PCDHGB4: variants seen among roughly 807,000 people sequenced by gnomAD.
The protein encoded by PCDHGB4 is protocadherin gamma-B4.
Under a neutral mutation model 60.5 loss-of-function variants are expected in PCDHGB4, and 38 were observed. The ratio of observed to expected loss-of-function variants is 0.63; its 90% CI spans 0.48 to 0.82. The LOEUF (loss-of-function observed/expected upper bound fraction) is 0.82. Ranked by LOEUF, PCDHGB4 falls within the 40% of genes least tolerant of loss-of-function variation. PCDHGB4 has a pLI of 0.00. For missense variants in PCDHGB4, 1,109 were observed against 1,209.6 expected, an observed-to-expected ratio of 0.92 and a Z score of 1.23; for synonymous variants, 456 against 509.7, an observed-to-expected ratio of 0.89 and a Z score of 1.42.
At position 141,431,433 on chromosome 5, in the gene PCDHGB4, C is replaced by T; in HGVS notation, c.2397+41152C>T. ...GGGGGCGACCCGGTGCGCACAGGCA[C>T]CGCGCGCATCCGCGTGATGGTTCTG... On this transcript the variant is annotated intron_variant, in intron 1 of 3. Transcript: ENST00000519479. This position sits in a 1 kb window ranked among gnomAD's most constrained non-coding sequence, Gnocchi z 4.8. 1.9e-6 allele frequency: 3 copies of T among 1,613,716 alleles called. No homozygotes were observed. The highest frequency in any genetic ancestry group is 2.5e-6 in the Non-Finnish European group (3 of 1,180,028).
intron 1 of PCDHGB4, among the ~76,000 whole-genome samples, chr5:141,469,212 G>A (rs114294512): frequency 0.021 from 3,174 of 151,360 alleles, 54 homozygotes; most frequent in Non-Finnish European, 0.032. Flanking sequence ...TTGAAGTTGA[G>A]GCTTCAGTGA....
chr5:141,431,351 C>A lies in PCDHGB4; in HGVS notation c.2397+41070C>A. On this transcript the variant is annotated intron_variant, in intron 1 of 3. Coordinates refer to ENST00000519479, the MANE Select transcript of PCDHGB4 (RefSeq NM_003736.4). The surrounding 1 kb of genome is among the most constrained non-coding windows in gnomAD (Gnocchi z 4.8). ...TAAGTACCCCGAATTGGTGCTGAAA[C>A]GCGCCCTGGACCGCGAAGAAAAGGC... The A allele has an allele frequency of 6.2e-7, 1 of 1,614,064 alleles. No individual in the cohort carries two copies. The highest frequency in any genetic ancestry group is 8.5e-7 in the Non-Finnish European group (1 of 1,180,042).
chr5:141,399,620 CCTCTT>C (rs1251716471), intron 1 of PCDHGB4: 1 of 1,613,940 alleles, frequency 6.2e-7, no homozygotes, highest in Non-Finnish European at 8.5e-7. Context: ...CTGGCACTGG[CCTCTT>C]ACGTGTCCAT....
chr5:141,409,628 G>T (rs367728235), intron 1 of PCDHGB4: 1 of 1,613,848 alleles, frequency 6.2e-7, no homozygotes. Flanking sequence ...GCAAGTGAGC[G>T]CCTCTGACCC....
At chr5:141,509,650 T>C (rs1484029268) in intron 3 of PCDHGB4, among the ~76,000 whole-genome samples, 1 of 152,188 alleles carries the variant, frequency 6.6e-6, no homozygotes, top group African/African-American at 2.4e-5. Context: ...GGCCAGAGTG[T>C]GGACTTCTCT....
chr5:141,466,014 C>T (rs962233749), intron 1 of PCDHGB4, among the ~76,000 whole-genome samples: 75 of 151,848 alleles, frequency 4.9e-4, no homozygotes, highest in African/African-American at 1.2e-3. Flanking sequence ...CCCAGCTACT[C>T]GGGAGGGTGA....
At chr5:141,395,545 TGTGTGTGTGTGTG>T (rs1440813594) in intron 1 of PCDHGB4, 2 of 174,840 alleles carry the variant, frequency 1.1e-5, no homozygotes, top group Admixed American at 1.3e-4. Flanking sequence ...CTATTGTTTG[TGTGTGTGTGTGTG>T]TGTGTGTGTG....
In PCDHGB4 at chr5:141,388,772, C is replaced by G. The variant is rs747075769; in HGVS notation, c.888C>G (p.Thr296=). 6.8e-6 allele frequency: 11 copies of G among 1,613,680 alleles called. No individual in the cohort carries two copies. In the Admixed American group the frequency reaches 1.8e-4, roughly 27 times the overall value. Residue 296 remains threonine, a synonymous_variant, in exon 1 of 4, where the codon ACC becomes ACG. Transcript: ENST00000519479. Reference sequence around the variant, plus strand: ...CCCAATTTGACCTGAACTCTAACACCGGGGAAATTACTGTTTTAAATACAT... The same window carrying G: ...CCCAATTTGACCTGAACTCTAACACGGGGGAAATTACTGTTTTAAATACAT... ...QITQFDLNSN[T]GEITVLNTLD... is the part of the protein sequence containing the mutation.
intron 1 of PCDHGB4, chr5:141,478,131 A>G (rs747801474): frequency 6.2e-7 from 1 of 1,614,064 alleles, no homozygotes; most frequent in Non-Finnish European, 8.5e-7. Flanking sequence ...GACTCTCCTG[A>G]AGCCCGAGCC....
rs1444171664 is a variant in PCDHGB4, at chr5:141,477,015, T to G, written c.2398-17792T>G. The G allele has an allele frequency of 1.2e-6, 2 of 1,614,210 alleles. No homozygotes were observed. Among genetic ancestry groups the G allele is most frequent in the Non-Finnish European group, 1.7e-6 (2 of 1,180,038 alleles). On this transcript the variant is annotated intron_variant, in intron 1 of 3. Coordinates refer to ENST00000519479, the MANE Select transcript of PCDHGB4 (RefSeq NM_003736.4). This position sits in a 1 kb window ranked among gnomAD's most constrained non-coding sequence, Gnocchi z 4.9. ...CGGCAACTATTCGCCTTAGACCTTG[T>G]AACCGGGATGCTGACAATCAAGGGT...
At chr5:141,396,781 G>T (rs1270995904) in intron 1 of PCDHGB4, 1 of 152,204 alleles carries the variant, frequency 6.6e-6, no homozygotes, top group East Asian at 1.9e-4. Context: ...TTAATGAAAA[G>T]GACATTTCCT....
chr5:141,463,938 T>A (rs1378018670), intron 1 of PCDHGB4, among the ~76,000 whole-genome samples: 3 of 152,168 alleles, frequency 2.0e-5, no homozygotes, highest in Non-Finnish European at 4.4e-5. Context: ...TATAAATTTA[T>A]AGAAATCTTC....
At chr5:141,464,978 GT>G in intron 1 of PCDHGB4, among the ~76,000 whole-genome samples, 1 of 152,148 alleles carries the variant, frequency 6.6e-6, no homozygotes, top group East Asian at 1.9e-4. Context: ...CTGGCTTCAA[GT>G]GATCCTCCCA....
chr5:141,481,970 A>G (rs2099549884), intron 1 of PCDHGB4, among the ~76,000 whole-genome samples: 1 of 151,510 alleles, frequency 6.6e-6, no homozygotes, highest in Non-Finnish European at 1.5e-5. Flanking sequence ...CTGTAGTCAC[A>G]GCTACTTGGG....
chr5:141,405,394 CTT>C lies in PCDHGB4; in HGVS notation c.2397+15115_2397+15116del, dbSNP rs1561700295. 3.8e-6 allele frequency: 6 copies of C among 1,593,014 alleles called. No individual in the cohort carries two copies. In the Admixed American group the frequency reaches 7.1e-5, roughly 19 times the overall value. On this transcript the variant is annotated intron_variant, in intron 1 of 3. Transcript: ENST00000519479. ...TGGTTCCGGTGAGTTCATTTTTTTT[CTT>C]TCTTTCTTTTCTTTTTTTGTTTTTT...
Position 141,486,632 on chromosome 5 carries a change from A to G in PCDHGB4, c.2398-8175A>G, listed in dbSNP as rs1304397413. The G allele has an allele frequency of 6.2e-7, 1 of 1,613,580 alleles. No individual in the cohort carries two copies. Among genetic ancestry groups the G allele is most frequent in the Non-Finnish European group, 8.5e-7 (1 of 1,180,040 alleles). ...AGCCTCTGACCCAGACTCTGGCTTG[A>G]ATGCGCTTATCTCCTACTCACTCCT... On this transcript the variant is annotated intron_variant, in intron 1 of 3. Coordinates refer to ENST00000519479, the MANE Select transcript of PCDHGB4 (RefSeq NM_003736.4). This position sits in a 1 kb window ranked among gnomAD's most constrained non-coding sequence, Gnocchi z 5.0.
chr5:141,394,864 C>G lies in PCDHGB4; in HGVS notation c.2397+4583C>G. Reference sequence around the variant, plus strand: ...GGCAGTCTGAAGCCTTCGGTCGACCCGAACGATTCGAGCCTTACACTCTAT... The same window carrying G: ...GGCAGTCTGAAGCCTTCGGTCGACCGGAACGATTCGAGCCTTACACTCTAT... On this transcript the variant is annotated intron_variant, in intron 1 of 3. Coordinates refer to ENST00000519479, the MANE Select transcript of PCDHGB4 (RefSeq NM_003736.4). The G allele has an allele frequency of 1.2e-6, 2 of 1,613,780 alleles. No individual in the cohort carries two copies. The highest frequency in any genetic ancestry group is 1.7e-6 in the Non-Finnish European group (2 of 1,179,900).
chr5:141,392,894 G>A (rs1327938971), intron 1 of PCDHGB4: 14 of 1,613,802 alleles, frequency 8.7e-6, no homozygotes, highest in Non-Finnish European at 1.2e-5. Flanking sequence ...GGGAAATCGG[G>A]AGGGGACAGA....
At chr5:141,448,143 A>C (rs2098568288) in intron 1 of PCDHGB4, among the ~76,000 whole-genome samples, 1 of 152,012 alleles carries the variant, frequency 6.6e-6, no homozygotes, top group Admixed American at 6.6e-5. Context: ...ACTATACCTC[A>C]GACTCACCCC....
Sources: gnomAD v4.1 joint callset for allele counts (sites outside exome capture counted in the v4.1 genomes callset) on GRCh38, gnomAD v4.1.1 for gene constraint, Gnocchi (gnomAD v3.1) non-coding constraint, MANE v1.5 for transcripts, NCBI Gene and HGNC (gene_info 2026-07-23, HGNC 2026-07-21) for gene names.